The following ROBO1 variants were observed in gnomAD, a reference collection of about 807,000 sequenced individuals.
The protein encoded by ROBO1 is roundabout guidance receptor 1, also known as roundabout homolog 1.
ROBO1 carries 149 observed loss-of-function variants against 195.9 expected under a neutral mutation model. The observed-to-expected ratio is 0.76, with a 90% CI of 0.67 to 0.87. The LOEUF is 0.87. Among genes scored for constraint, ROBO1 ranks in the 40% least tolerant of loss-of-function variants. ROBO1 has a pLI of 0.00. For synonymous variants in ROBO1, 816 were observed against 733.2 expected, an observed-to-expected ratio of 1.11 and a Z score of -1.82; for missense variants, 1,933 against 2,068.3, an observed-to-expected ratio of 0.93 and a Z score of 1.27.
At chr3:78,748,451 A>G (rs2082711136) in intron 4 of ROBO1, among the ~76,000 whole-genome samples, 1 of 151,528 alleles carries the variant, frequency 6.6e-6, no homozygotes, top group Non-Finnish European at 1.5e-5. Flanking sequence ...ATAAATAAAT[A>G]AATAAATAAA....
intron 27 of ROBO1, among the ~76,000 whole-genome samples, chr3:78,615,324 A>G (rs1289394922): frequency 6.6e-6 from 1 of 152,154 alleles, no homozygotes; most frequent in African/African-American, 2.4e-5. Context: ...GTGGTCTGAA[A>G]TTGATCTAGC....
chr3:79,247,132 T>G lies in ROBO1; in HGVS notation c.89-121593A>C, dbSNP rs182668451. On this transcript the variant is annotated intron_variant, in intron 2 of 30. Transcript: ENST00000464233. ...AGCATTAAGGCTCCTGTTTACTGTT[T>G]TTTTTTTTTTGTAAGAAGTATAATA... 8.6e-5 allele frequency among the ~76,000 whole-genome samples: 13 copies of G among 151,076 alleles called. No individual in the cohort carries two copies. In the East Asian group the frequency reaches 1.6e-3, roughly 18 times the overall value.
chr3:79,118,207 T>C (rs1353736184), intron 3 of ROBO1, among the ~76,000 whole-genome samples: 3 of 151,940 alleles, frequency 2.0e-5, no homozygotes, highest in Non-Finnish European at 2.9e-5. Flanking sequence ...GCTAAAAATA[T>C]TAGGCTGGTA....
chr3:78,777,915 T>C (rs922581193), intron 4 of ROBO1, among the ~76,000 whole-genome samples: 1 of 152,184 alleles, frequency 6.6e-6, no homozygotes, highest in Non-Finnish European at 1.5e-5. Context: ...CTTGTGCCGG[T>C]TTTCAAAGGT....
chr3:78,868,733 G>A (rs331145), intron 4 of ROBO1, among the ~76,000 whole-genome samples: 46,197 of 151,896 alleles, frequency 0.3, 7,159 homozygotes, highest in Non-Finnish European at 0.34. Flanking sequence ...AGCATAAAAG[G>A]GGAAAAAAAC....
intron 2 of ROBO1, among the ~76,000 whole-genome samples, chr3:79,260,166 T>A (rs1399562651): frequency 6.6e-6 from 1 of 151,702 alleles, no homozygotes; most frequent in Non-Finnish European, 1.5e-5. Flanking sequence ...CTAATTGAGT[T>A]AAAATCTAAT....
chr3:79,051,030 C>T (rs1455991300), intron 3 of ROBO1, among the ~76,000 whole-genome samples: 1 of 152,070 alleles, frequency 6.6e-6, no homozygotes, highest in Non-Finnish European at 1.5e-5. Flanking sequence ...AATTCAAAAG[C>T]TAGCAGAACA....
intron 2 of ROBO1, among the ~76,000 whole-genome samples, chr3:79,200,420 T>C (rs567962955): frequency 3.2e-4 from 48 of 151,974 alleles, no homozygotes; most frequent in African/African-American, 1.1e-3. Context: ...GATTAAAAAA[T>C]ATACATATAT....
At chr3:78,981,028 T>C (rs2076979503) in intron 3 of ROBO1, among the ~76,000 whole-genome samples, 3 of 152,174 alleles carry the variant, frequency 2.0e-5, no homozygotes, top group African/African-American at 7.2e-5. Context: ...GTTAACTTAA[T>C]AGTTTCAGCA....
At chr3:78,942,737 G>A (rs984287444) in intron 3 of ROBO1, among the ~76,000 whole-genome samples, 2 of 152,090 alleles carry the variant, frequency 1.3e-5, no homozygotes, top group African/African-American at 4.8e-5. Context: ...CCATAGTAAA[G>A]ATCAAAACTT....
chr3:79,167,861 T>C (rs755957326), intron 2 of ROBO1, among the ~76,000 whole-genome samples: 1 of 152,224 alleles, frequency 6.6e-6, no homozygotes, highest in Non-Finnish European at 1.5e-5. Flanking sequence ...CATCCTCATC[T>C]GTAAAATGGA....
rs1387114393 is a variant in ROBO1, at chr3:79,155,314, T to G, written c.89-29775A>C. Among the ~76,000 whole-genome samples, 7 of 151,770 alleles carry G rather than the reference T, an allele frequency of 4.6e-5. No individual in the cohort carries two copies. In the Admixed American group the frequency reaches 4.6e-4, roughly 10 times the overall value. ...TCTGTATAAAAGTTGATGTAGCTAT[T>G]TGGGAAGTAAAGTAATTGTCCTTGT... On this transcript the variant is annotated intron_variant, in intron 2 of 30. Transcript: ENST00000464233.
intron 2 of ROBO1, among the ~76,000 whole-genome samples, chr3:79,263,199 A>G (rs1333669823): frequency 1.3e-5 from 2 of 152,108 alleles, no homozygotes; most frequent in Admixed American, 1.3e-4. Flanking sequence ...AATAGAAGCT[A>G]TCAACTGAAT....
intron 22 of ROBO1, among the ~76,000 whole-genome samples, chr3:78,638,700 A>G (rs1705713526): frequency 6.6e-6 from 1 of 151,746 alleles, no homozygotes; most frequent in Non-Finnish European, 1.5e-5. Context: ...CAAGACCTGC[A>G]TCTCTACAAA....
At chr3:79,370,271 T>A (rs1372804965) in intron 2 of ROBO1, among the ~76,000 whole-genome samples, 1 of 151,516 alleles carries the variant, frequency 6.6e-6, no homozygotes, top group Non-Finnish European at 1.5e-5. Context: ...GGTGGGAGAA[T>A]GGCTTGAGCC....
intron 2 of ROBO1, among the ~76,000 whole-genome samples, chr3:79,282,593 G>A (rs991406609): frequency 3.3e-5 from 5 of 152,226 alleles, no homozygotes; most frequent in African/African-American, 1.2e-4. Flanking sequence ...GGGAGAACAA[G>A]AAGTCTAAGA....
intron 5 of ROBO1, among the ~76,000 whole-genome samples, chr3:78,735,155 A>G (rs145317667): frequency 1.5e-4 from 23 of 152,300 alleles, no homozygotes; most frequent in African/African-American, 5.3e-4. Flanking sequence ...TTAATTTCTG[A>G]AGTTAAATAT....
rs545838811 is a variant in ROBO1 at position 78,959,914 on chromosome 3, T to G, written c.173-20987A>C. Among the ~76,000 whole-genome samples, 25 of 152,218 alleles carry G rather than the reference T, an allele frequency of 1.6e-4. 1 individual carries two copies. The highest frequency in any genetic ancestry group is 1.6e-3 in the Admixed American group (25 of 15,292). On this transcript the variant is annotated intron_variant, in intron 3 of 30. Coordinates refer to ENST00000464233, the MANE Select transcript of ROBO1 (RefSeq NM_002941.4). Reference sequence around the variant, plus strand: ...GAGGTTGAAAAGGTACAACCAAGGATTATTAGTCAAAAGTATATGCTTTTG... The same window carrying G: ...GAGGTTGAAAAGGTACAACCAAGGAGTATTAGTCAAAAGTATATGCTTTTG...
chr3:79,309,285 G>A (rs2033370140), intron 2 of ROBO1, among the ~76,000 whole-genome samples: 3 of 152,082 alleles, frequency 2.0e-5, no homozygotes. Context: ...TAATCACTGT[G>A]AGGCTGGGTG....
Sources: gnomAD v4.1 joint callset for allele counts (sites outside exome capture counted in the v4.1 genomes callset) on GRCh38, gnomAD v4.1.1 for gene constraint, MANE v1.5 for transcripts, NCBI Gene and HGNC (gene_info 2026-07-23, HGNC 2026-07-21) for gene names.